DIAPH2: variants seen among roughly 807,000 people sequenced by gnomAD.
DIAPH2 encodes diaphanous related formin 2, also known as protein diaphanous homolog 2.
DIAPH2 carries 35 observed loss-of-function variants against 92.7 expected under a neutral mutation model. The ratio of observed to expected loss-of-function variants is 0.38; its 90% CI spans 0.29 to 0.50. DIAPH2 has a LOEUF of 0.50. DIAPH2 is among the 20% of genes least tolerant of loss of function. The pLI, the probability that DIAPH2 is intolerant of heterozygous loss-of-function variation, is 0.94. For synonymous variants in DIAPH2, 301 were observed against 280.4 expected, an observed-to-expected ratio of 1.07 and a Z score of -0.73; for missense variants, 701 against 819.5, an observed-to-expected ratio of 0.86 and a Z score of 1.77.
chrX:97,286,024 C>T (rs190652553), intron 23 of DIAPH2, among the ~76,000 whole-genome samples: 1 of 105,292 alleles, frequency 9.5e-6, no homozygotes, highest in Admixed American at 1.0e-4. Context: ...GTTGCTAATA[C>T]AATCTCAGCC....
chrX:96,896,971 T>C (rs1174206077), intron 5 of DIAPH2, among the ~76,000 whole-genome samples: 1 of 111,700 alleles, frequency 9.0e-6, no homozygotes, highest in Admixed American at 9.6e-5. Context: ...TATTTTGTCT[T>C]GGATAAAAGC....
At chrX:97,185,739 G>A (rs972613754) in intron 22 of DIAPH2, among the ~76,000 whole-genome samples, 2 of 105,774 alleles carry the variant, frequency 1.9e-5, no homozygotes, top group East Asian at 6.0e-4. Context: ...CCAGAATGTT[G>A]GTTATTCTCT....
At chrX:96,893,650 A>G (rs1168811428) in intron 5 of DIAPH2, among the ~76,000 whole-genome samples, 1 of 112,226 alleles carries the variant, frequency 8.9e-6, no homozygotes, top group Non-Finnish European at 1.9e-5. Context: ...ACCAGGAATA[A>G]TAGTACTGGA....
Position 97,079,802 on chromosome X carries a change from C to T in DIAPH2, c.2247+4541C>T, listed in dbSNP as rs930549798. ...GCATATCAGAGAGATGGCCAGGATG[C>T]TATAGTGTATCATCAAAGCCAACAC... On this transcript the variant is annotated intron_variant, in intron 19 of 26. Transcript: ENST00000324765. Among the ~76,000 whole-genome samples, 40 of 111,146 alleles carry T rather than the reference C, an allele frequency of 3.6e-4. 1 individual carries two copies. The highest frequency in any genetic ancestry group is 3.9e-4 in the South Asian group (1 of 2,593).
intron 24 of DIAPH2, among the ~76,000 whole-genome samples, chrX:97,367,702 CTTT>C (rs200267248): frequency 2.1e-5 from 2 of 97,107 alleles, no homozygotes; most frequent in Non-Finnish European, 4.2e-5. Flanking sequence ...GGTAAAATAT[CTTT>C]TTTTTTTTTT....
rs139487855 is a variant in DIAPH2, at chrX:97,599,002, G to T, written c.3242-251G>T. On this transcript the variant is annotated intron_variant, in intron 26 of 26. Transcript: ENST00000324765. ...CCAAGGGGACTGTGCTTGAGAGACT[G>T]CTTCCATTTCTTTTATCACTCTGAC... 9.4e-3 allele frequency among the ~76,000 whole-genome samples: 1,052 copies of T among 111,884 alleles called. 2 individuals carry two copies. The highest frequency in any genetic ancestry group is 0.016 in the Non-Finnish European group (830 of 53,195).
At chrX:96,854,559 A>AGT (rs2065024758) in intron 4 of DIAPH2, among the ~76,000 whole-genome samples, 1 of 82,915 alleles carries the variant, frequency 1.2e-5, no homozygotes, top group Non-Finnish European at 2.3e-5. Context: ...CTCTCTCTGT[A>AGT]GTGTATATAT....
chrX:96,693,004 A>T (rs1488244592), intron 1 of DIAPH2, among the ~76,000 whole-genome samples: 1 of 112,005 alleles, frequency 8.9e-6, no homozygotes, highest in Admixed American at 9.5e-5. Context: ...TTGTGGGCTT[A>T]CAATTGAAAA....
At chrX:96,688,953 GAA>G (rs750204074) in intron 1 of DIAPH2, among the ~76,000 whole-genome samples, 3 of 99,872 alleles carry the variant, frequency 3.0e-5, no homozygotes, top group African/African-American at 7.3e-5. Context: ...TCTCTTTAAG[GAA>G]AAAAAAAAAA....
chrX:97,337,280 A>G (rs1030520884), intron 23 of DIAPH2, among the ~76,000 whole-genome samples: 1 of 111,126 alleles, frequency 9.0e-6, no homozygotes, highest in Non-Finnish European at 1.9e-5. Context: ...TCTGATCCCC[A>G]GAAGGGATTA....
intron 26 of DIAPH2, among the ~76,000 whole-genome samples, chrX:97,479,299 G>C (rs2070633685): frequency 1.8e-5 from 2 of 111,048 alleles, no homozygotes; most frequent in African/African-American, 3.3e-5. Context: ...TACTCTAAAG[G>C]TATTGCTTCC....
At chrX:96,703,586 G>A (rs1569369955) in intron 1 of DIAPH2, among the ~76,000 whole-genome samples, 1 of 111,130 alleles carries the variant, frequency 9.0e-6, no homozygotes, top group Admixed American at 9.6e-5. Flanking sequence ...CTAAAGGTCA[G>A]GTAGCTTAGA....
chrX:97,375,456 C>CA (rs760367324), intron 24 of DIAPH2, among the ~76,000 whole-genome samples: 139 of 108,280 alleles, frequency 1.3e-3, no homozygotes, highest in Non-Finnish European at 1.9e-3. Context: ...AACTCCATCT[C>CA]AAAAAAAACA....
At position 96,857,891 on chromosome X, in the gene DIAPH2, G is replaced by A. The variant is rs756145746; in HGVS notation, c.448-23688G>A. Among the ~76,000 whole-genome samples, 10 of 112,445 alleles carry A rather than the reference G, an allele frequency of 8.9e-5. No individual in the cohort carries two copies. The Admixed American group carries it at 9.4e-4, about 11-fold the overall frequency. On this transcript the variant is annotated intron_variant, in intron 4 of 26. Coordinates refer to ENST00000324765, the MANE Select transcript of DIAPH2 (RefSeq NM_006729.5). ...AAATGCTTGTAAGTTACAACTTGTT[G>A]TATAATGTAAGGTACACCTATTTTC...
At chrX:97,194,520 G>C (rs186137630) in intron 22 of DIAPH2, among the ~76,000 whole-genome samples, 4 of 110,554 alleles carry the variant, frequency 3.6e-5, no homozygotes, top group African/African-American at 6.6e-5. Context: ...TCCCGACCTC[G>C]TGATCCGCCC....
chrX:97,172,352 G>A (rs1342212683), intron 22 of DIAPH2, among the ~76,000 whole-genome samples: 2 of 111,457 alleles, frequency 1.8e-5, no homozygotes, highest in South Asian at 3.7e-4. Flanking sequence ...GGCTTCTGTT[G>A]TGATTTCCAG....
chrX:97,219,893 G>C (rs1268788458), intron 22 of DIAPH2, among the ~76,000 whole-genome samples: 1 of 111,799 alleles, frequency 8.9e-6, no homozygotes, highest in Non-Finnish European at 1.9e-5. Flanking sequence ...AATACTCATC[G>C]TTGAGAATTA....
At chrX:96,958,459 A>G (rs1469206702) in intron 16 of DIAPH2, among the ~76,000 whole-genome samples, 1 of 112,097 alleles carries the variant, frequency 8.9e-6, no homozygotes, top group African/African-American at 3.2e-5. Flanking sequence ...TTGATATGTA[A>G]TATTTGTACG....
At chrX:97,171,992 A>T (rs1602390660) in intron 22 of DIAPH2, among the ~76,000 whole-genome samples, 2 of 111,025 alleles carry the variant, frequency 1.8e-5, no homozygotes, top group African/African-American at 6.5e-5. Flanking sequence ...AGGTCATGTA[A>T]CGAAGGTTTT....
Sources: gnomAD v4.1 joint callset for allele counts (sites outside exome capture counted in the v4.1 genomes callset) on GRCh38, gnomAD v4.1.1 for gene constraint, MANE v1.5 for transcripts, NCBI Gene and HGNC (gene_info 2026-07-23, HGNC 2026-07-21) for gene names.